TENT5B: variants seen among roughly 807,000 people sequenced by gnomAD.
TENT5B encodes family with sequence similarity 46 member B.
TENT5B carries 12 observed loss-of-function variants against 21.7 expected under a neutral mutation model. The observed-to-expected ratio is 0.55, with a 90% CI of 0.36 to 0.90. The LOEUF (loss-of-function observed/expected upper bound fraction) is 0.90. TENT5B is among the 40% of genes least tolerant of loss of function. The pLI, the probability that TENT5B is intolerant of heterozygous loss-of-function variation, is 0.01. For synonymous variants in TENT5B, 262 were observed against 266.6 expected, an observed-to-expected ratio of 0.98 and a Z score of 0.17; for missense variants, 540 against 601.5, an observed-to-expected ratio of 0.90 and a Z score of 1.07.
Position 27,006,370 on chromosome 1 carries a change from G to A in TENT5B, c.852C>T (p.His284=), listed in dbSNP as rs1422148943. The change falls in exon 2 of 2, where the codon CAC becomes CAT. Residue 284 remains histidine, a synonymous_variant. Transcript: ENST00000289166. The surrounding 1 kb of genome is among the most constrained non-coding windows in gnomAD (Gnocchi z 9.4). ...GGGGCCGGAAGCCCCGCACCAGGAG[G>A]TGGCAGTACTTGAGGAGGCCACCAC... The part of the protein sequence containing the change: ...IRGGGLLKYC[H]LLVRGFRPRP... 1.2e-6 allele frequency: 2 copies of A among 1,612,026 alleles called. No homozygotes were observed. Among genetic ancestry groups the A allele is most frequent in the South Asian group, 1.1e-5 (1 of 91,010 alleles).
rs554135682 is a variant in TENT5B, at chr1:27,010,059, G to A, written c.264+2348C>T. 6.6e-5 allele frequency among the ~76,000 whole-genome samples: 10 copies of A among 152,346 alleles called. 1 individual carries two copies. The East Asian group carries it at 7.7e-4, about 12-fold the overall frequency. ...ACCTGCAGGGAGACTGACAGACGCC[G>A]TCAGCCAGCAGGCTTACAAAACTCA... On this transcript the variant is annotated intron_variant, in intron 1 of 1. Transcript: ENST00000289166.
intron 1 of TENT5B, 145 bp downstream of exon 1, chr1:27,012,262 T>A: frequency 7.6e-7 from 1 of 1,308,306 alleles, no homozygotes. Flanking sequence ...GGTCTACCAT[T>A]CATAATGCTG....
Position 27,006,091 on chromosome 1 carries a change from C to T in TENT5B, c.1131G>A (p.Leu377=). The change falls in exon 2 of 2, where the codon CTG becomes CTA. Residue 377 remains leucine (L), a synonymous_variant. Coordinates refer to ENST00000289166, the MANE Select transcript of TENT5B (RefSeq NM_052943.4). The surrounding 1 kb of genome is among the most constrained non-coding windows in gnomAD (Gnocchi z 9.4). ...DLIAALALQA[L]AEQGPAATAA... ...CAGTGGCAGCTGGGCCCTGCTCAGC[C>T]AGTGCCTGCAGCGCCAGTGCGGCAA... 6.2e-7 allele frequency: 1 copy of T among 1,610,170 alleles called. No homozygotes were observed. The highest frequency in any genetic ancestry group is 8.5e-7 in the Non-Finnish European group (1 of 1,177,912).
intron 1 of TENT5B, among the ~76,000 whole-genome samples, chr1:27,008,055 C>G (rs1268088758): frequency 1.3e-5 from 2 of 152,150 alleles, no homozygotes; most frequent in African/African-American, 4.8e-5. Flanking sequence ...CTGAGGCTTA[C>G]AGTGGTGAAA....
chr1:27,006,339 TGGGCCG>T lies in TENT5B; in HGVS notation c.877_882del (p.Arg293_Pro294del), dbSNP rs1557702423. ...CGCTGCAGGGCGCGCACATCGGTGC[TGGGCCG>T]GGGCCGGAAGCCCCGCACCAGGAGG... On this transcript the variant is annotated inframe_deletion, in exon 2 of 2. Transcript: ENST00000289166. This position sits in a 1 kb window ranked among gnomAD's most constrained non-coding sequence, Gnocchi z 9.4. 6.2e-7 allele frequency: 1 copy of T among 1,611,106 alleles called. No homozygotes were observed. The highest frequency in any genetic ancestry group is 1.7e-5 in the Admixed American group (1 of 59,896).
At chr1:27,007,131 G>A (rs12755215) in intron 1 of TENT5B, among the ~76,000 whole-genome samples, 174 bp from the exon 2 acceptor site, 7,538 of 140,282 alleles carry the variant, frequency 0.054, 220 homozygotes, top group Non-Finnish European at 0.06. Context: ...GGGGTTGGGG[G>A]GGAGTCATTT....
rs190284560 is a variant in TENT5B, at chr1:27,005,615, G to T, written c.*329C>A. 5.6e-5 allele frequency: 19 copies of T among 336,756 alleles called. No homozygotes were observed. Among genetic ancestry groups the T allele is most frequent in the Middle Eastern group, 8.4e-4 (1 of 1,186 alleles). 20.9% of individuals were successfully genotyped at this position (336,756 alleles called of 1,614,324 possible). Reference sequence around the variant, plus strand: ...TAGACCATGGGAATCAATCCAAGGTGCTGGGCATTAAGGCTACCACCCCAA... The same window carrying T: ...TAGACCATGGGAATCAATCCAAGGTTCTGGGCATTAAGGCTACCACCCCAA... On this transcript the variant is annotated 3_prime_UTR_variant, in exon 2 of 2. Transcript: ENST00000289166.
At chr1:27,008,336 A>G (rs1319876468) in intron 1 of TENT5B, among the ~76,000 whole-genome samples, 2 of 152,088 alleles carry the variant, frequency 1.3e-5, no homozygotes, top group East Asian at 3.9e-4. Flanking sequence ...CCTCCCAGGG[A>G]ATTACTACAA....
Position 27,012,813 on chromosome 1 carries a change from A to G in TENT5B, c.-143T>C. ...AACGACGGCGAGACAAAGCCAGGGA[A>G]CACCTCAGACGGCGACGACTAACCG... On this transcript the variant is annotated 5_prime_UTR_variant, in exon 1 of 2. Coordinates refer to ENST00000289166, the MANE Select transcript of TENT5B (RefSeq NM_052943.4). 3.6e-6 allele frequency: 4 copies of G among 1,113,242 alleles called. No homozygotes were observed. The highest frequency in any genetic ancestry group is 1.9e-5 in the South Asian group (1 of 52,132). 69.0% of individuals were successfully genotyped at this position (1,113,242 alleles called of 1,614,324 possible). A position where few individuals can be genotyped will look rare whatever the true frequency, so the allele number is the denominator to read the frequency against.
At chr1:27,008,881 C>A (rs974464006) in intron 1 of TENT5B, among the ~76,000 whole-genome samples, 21 of 150,254 alleles carry the variant, frequency 1.4e-4, no homozygotes, top group Middle Eastern at 3.5e-3. Flanking sequence ...GGATTACAGG[C>A]ATGAGGTACT....
chr1:27,012,322 G>T, intron 1 of TENT5B, 85 bp downstream of exon 1: 1 of 1,538,476 alleles, frequency 6.5e-7, no homozygotes, highest in East Asian at 2.4e-5. Context: ...TAGCTGTCTA[G>T]AAAGTCAAAC....
intron 1 of TENT5B, 116 bp downstream of exon 1, chr1:27,012,291 G>GTC: frequency 6.8e-7 from 1 of 1,466,040 alleles, no homozygotes; most frequent in South Asian, 1.2e-5. Context: ...TTACAGCCAT[G>GTC]TCCCCGTTCC....
intron 1 of TENT5B, among the ~76,000 whole-genome samples, chr1:27,011,753 C>T (rs1373329183): frequency 3.3e-5 from 5 of 152,170 alleles, no homozygotes; most frequent in Admixed American, 3.3e-4. Flanking sequence ...CCTTCATTTC[C>T]AATCTTGGGA....
chr1:27,006,517 A>T lies in TENT5B; in HGVS notation c.705T>A (p.Thr235=). Residue 235 remains threonine (T), a synonymous_variant, in exon 2 of 2, where the codon ACT becomes ACA. Transcript: ENST00000289166. The surrounding 1 kb of genome is among the most constrained non-coding windows in gnomAD (Gnocchi z 9.4). Reference sequence around the variant, plus strand: ...TTGGGTGGAAGGCCTCAGACATGGGAGTGGACGAGCACTGGCCAAAGAGCA... The same window carrying T: ...TTGGGTGGAAGGCCTCAGACATGGGTGTGGACGAGCACTGGCCAAAGAGCA... ...SLLLFGQCSS[T]PMSEAFHPTV... 1.9e-6 allele frequency: 3 copies of T among 1,614,024 alleles called. No homozygotes were observed. Among genetic ancestry groups the T allele is most frequent in the Non-Finnish European group, 1.7e-6 (2 of 1,179,976 alleles).
In TENT5B at chr1:27,012,685, G is replaced by A. The variant is rs746292601; in HGVS notation, c.-15C>T. On this transcript the variant is annotated 5_prime_UTR_variant, in exon 1 of 2. Transcript: ENST00000289166. ...GACGGCATCATCCGCCCGGCCCCCG[G>A]GCCCCGACGGCAGAAACCGTGGGGG... 1.4e-4 allele frequency: 208 copies of A among 1,453,036 alleles called. No homozygotes were observed. The highest frequency in any genetic ancestry group is 1.8e-4 in the Non-Finnish European group (199 of 1,117,572). The allele number at this position is 1,453,036 out of a possible 1,614,324, so 90.0% of individuals were successfully genotyped here.
intron 1 of TENT5B, among the ~76,000 whole-genome samples, chr1:27,008,842 T>C (rs1026279058): frequency 6.6e-5 from 10 of 151,604 alleles, no homozygotes; most frequent in African/African-American, 2.2e-4. Context: ...CCTCAGGTGA[T>C]CCACCTGCCG....
Position 27,005,084 on chromosome 1 carries a change from T to C in TENT5B, c.*860A>G, listed in dbSNP as rs1178957639. On this transcript the variant is annotated 3_prime_UTR_variant, in exon 2 of 2. Transcript: ENST00000289166. ...CAAAATATCAACAAACCCAGGGGAA[T>C]ACGCAAGGGGGTGGGAGTATGGCTC... is the stretch of plus-strand genomic sequence containing the variant. The C allele has an allele frequency of 6.6e-6, 1 of 152,606 alleles. No homozygotes were observed. Among genetic ancestry groups the C allele is most frequent in the African/African-American group, 2.4e-5 (1 of 41,406 alleles). The allele number at this position is 152,606 out of a possible 1,614,324, so 9.5% of individuals were successfully genotyped here. A position where few individuals can be genotyped will look rare whatever the true frequency, so the allele number is the denominator to read the frequency against.
At chr1:27,009,564 G>A (rs2082615352) in intron 1 of TENT5B, among the ~76,000 whole-genome samples, 1 of 152,230 alleles carries the variant, frequency 6.6e-6, no homozygotes, top group Non-Finnish European at 1.5e-5. Flanking sequence ...CTGCAGTCCA[G>A]CCTGTGGGAC....
Position 27,005,623 on chromosome 1 carries a change from T to G in TENT5B, c.*321A>C. The G allele has an allele frequency of 2.9e-6, 1 of 346,842 alleles. No homozygotes were observed. Among genetic ancestry groups the G allele is most frequent in the Non-Finnish European group, 5.3e-6 (1 of 190,324 alleles). The allele number at this position is 346,842 out of a possible 1,614,324, so 21.5% of individuals were successfully genotyped here. A position where few individuals can be genotyped will look rare whatever the true frequency, so the allele number is the denominator to read the frequency against. On this transcript the variant is annotated 3_prime_UTR_variant, in exon 2 of 2. Coordinates refer to ENST00000289166, the MANE Select transcript of TENT5B (RefSeq NM_052943.4). ...GGGAATCAATCCAAGGTGCTGGGCATTAAGGCTACCACCCCAAACTTGCTT... is the reference window on the plus strand; with the variant it reads ...GGGAATCAATCCAAGGTGCTGGGCAGTAAGGCTACCACCCCAAACTTGCTT...
Sources: gnomAD v4.1 joint callset for allele counts (sites outside exome capture counted in the v4.1 genomes callset) on GRCh38, gnomAD v4.1.1 for gene constraint, Gnocchi (gnomAD v3.1) non-coding constraint, MANE v1.5 for transcripts, NCBI Gene and HGNC (gene_info 2026-07-23, HGNC 2026-07-21) for gene names.